Variants in ERC2 observed in about 807,000 individuals in gnomAD.
ERC2 encodes ERC protein 2.
A neutral mutation model predicts 114.8 loss-of-function variants in ERC2; 42 were observed. The ratio of observed to expected loss-of-function variants is 0.37; its 90% CI spans 0.29 to 0.47. The LOEUF (loss-of-function observed/expected upper bound fraction) is 0.47, where lower values mean the gene tolerates loss of function less well. Ranked by LOEUF, ERC2 falls within the 20% of genes least tolerant of loss-of-function variation. ERC2 has a pLI of 0.99. For missense variants in ERC2, 939 were observed against 1,150.7 expected (o/e 0.82, Z 2.66); for synonymous variants, 454 against 425.5 (o/e 1.07, Z -0.82).
intron 14 of ERC2, among the ~76,000 whole-genome samples, chr3:55,825,753 A>C (rs1187403663): frequency 9.2e-5 from 14 of 152,230 alleles, no homozygotes; most frequent in Non-Finnish European, 1.8e-4. Context: ...ATATTACACT[A>C]AAGTTAATAT....
intron 2 of ERC2, among the ~76,000 whole-genome samples, chr3:56,325,192 C>G (rs1027532462): frequency 6.6e-6 from 1 of 152,024 alleles, no homozygotes; most frequent in Non-Finnish European, 1.5e-5. Flanking sequence ...CGTCTGTAAT[C>G]CCAGCACTTT....
intron 17 of ERC2, among the ~76,000 whole-genome samples, chr3:55,529,557 C>A (rs2053544130): frequency 6.6e-6 from 1 of 152,154 alleles, no homozygotes; most frequent in African/African-American, 2.4e-5. Flanking sequence ...CACCAGGATC[C>A]TAAGCCTACA....
At chr3:56,325,542 A>C (rs1203567867) in intron 2 of ERC2, among the ~76,000 whole-genome samples, 1 of 152,192 alleles carries the variant, frequency 6.6e-6, no homozygotes, top group East Asian at 1.9e-4. Flanking sequence ...CTATTAGTGA[A>C]TTTACTAGAT....
chr3:55,777,941 T>C (rs536970860), intron 14 of ERC2, among the ~76,000 whole-genome samples: 1 of 152,210 alleles, frequency 6.6e-6, no homozygotes, highest in Non-Finnish European at 1.5e-5. Flanking sequence ...TTTTATTTTC[T>C]AAAGAGAAAC....
rs564105193 is a variant in ERC2, at chr3:55,597,906, T to C, written c.*39+85888A>G. Among the ~76,000 whole-genome samples the C allele has an allele frequency of 8.5e-4, 130 of 152,336 alleles. 1 individual carries two copies. Among genetic ancestry groups the C allele is most frequent in the African/African-American group, 3.0e-3 (123 of 41,584 alleles). ...TTAGTGAGTTTGTCATCATATCCACTTACATAATAGACGGTAAATAAATGA... is the reference window on the plus strand; with the variant it reads ...TTAGTGAGTTTGTCATCATATCCACCTACATAATAGACGGTAAATAAATGA... On this transcript the variant is annotated intron_variant, in intron 17 of 17. Transcript: ENST00000288221.
intron 14 of ERC2, among the ~76,000 whole-genome samples, chr3:55,853,534 CAAAG>C (rs2061662711): frequency 6.7e-6 from 1 of 149,128 alleles, no homozygotes; most frequent in Non-Finnish European, 1.5e-5. Context: ...CTCAAATAAA[CAAAG>C]AAAAAAAAAG....
intron 17 of ERC2, among the ~76,000 whole-genome samples, chr3:55,669,843 C>A (rs1305622963): frequency 2.0e-5 from 3 of 152,218 alleles, no homozygotes; most frequent in Non-Finnish European, 4.4e-5. Flanking sequence ...CAAAGCCCAG[C>A]ACTCAATGCT....
intron 2 of ERC2, among the ~76,000 whole-genome samples, chr3:56,348,897 AAGGAAGGAAAGAAGGAAG>A (rs1322275256): frequency 0.041 from 2,808 of 69,218 alleles, 59 homozygotes; most frequent in East Asian, 0.15. Context: ...GGAAGGAAGG[AAGGAAGGAAAGAAGGAAG>A]GAAGGAAGGA....
At position 56,435,082 on chromosome 3, in the gene ERC2, G is replaced by T; in HGVS notation, c.-75C>A. On this transcript the variant is annotated 5_prime_UTR_variant, in exon 2 of 18. Transcript: ENST00000288221. ...TTGGGGTTTGAGCTAATATTTCCAC[G>T]ATTGTCCAGAATTTTCACCGCATTC... The T allele has an allele frequency of 1.7e-6, 2 of 1,158,636 alleles. No homozygotes were observed. The highest frequency in any genetic ancestry group is 2.4e-6 in the Non-Finnish European group (2 of 837,154). The allele number at this position is 1,158,636 out of a possible 1,614,324, so 71.8% of individuals were successfully genotyped here. A position where few individuals can be genotyped will look rare whatever the true frequency, so the allele number is the denominator to read the frequency against.
rs1370701910 is a variant in ERC2, at chr3:56,434,485, A to G, written c.523T>C (p.Leu175=). 4 of 1,613,942 alleles carry G rather than the reference A, an allele frequency of 2.5e-6. No individual in the cohort carries two copies. The highest frequency in any genetic ancestry group is 3.4e-6 in the Non-Finnish European group (4 of 1,179,886). Reference sequence around the variant, plus strand: ...TTAATACTGTTCATGGAAGATCCCAATTTGCTGTCCTTGATGTCTAGCTCT... The same window carrying G: ...TTAATACTGTTCATGGAAGATCCCAGTTTGCTGTCCTTGATGTCTAGCTCT... ...RKELDIKDSK[L]GSSMNSIKTF... Residue 175 remains leucine (L), a synonymous_variant, in exon 2 of 18, where the codon TTG becomes CTG. Transcript: ENST00000288221.
chr3:56,064,212 A>C (rs923225406), intron 7 of ERC2, among the ~76,000 whole-genome samples: 3 of 152,186 alleles, frequency 2.0e-5, no homozygotes, highest in Non-Finnish European at 4.4e-5. Flanking sequence ...TACCTGTCCC[A>C]AAGAACACTA....
intron 13 of ERC2, among the ~76,000 whole-genome samples, chr3:55,930,901 T>C (rs1430942970): frequency 6.6e-6 from 1 of 151,856 alleles, no homozygotes; most frequent in Non-Finnish European, 1.5e-5. Flanking sequence ...CTTAAACAAA[T>C]TTACAGGAAA....
At chr3:55,742,568 T>G (rs900756013) in intron 14 of ERC2, among the ~76,000 whole-genome samples, 2 of 152,220 alleles carry the variant, frequency 1.3e-5, no homozygotes, top group Non-Finnish European at 2.9e-5. Context: ...CTACATTATG[T>G]ATGGTGCTTA....
chr3:55,548,611 G>A (rs1193178287), intron 17 of ERC2, among the ~76,000 whole-genome samples: 3 of 152,194 alleles, frequency 2.0e-5, no homozygotes, highest in South Asian at 4.1e-4. Flanking sequence ...GGCCAAGGGC[G>A]GGGCTGGAGA....
intron 14 of ERC2, among the ~76,000 whole-genome samples, chr3:55,789,868 T>C (rs982657273): frequency 6.6e-6 from 1 of 152,184 alleles, no homozygotes; most frequent in South Asian, 2.1e-4. Flanking sequence ...ATCAATGTGA[T>C]GTGATTTGGC....
chr3:55,667,080 A>G (rs897650119), intron 17 of ERC2, among the ~76,000 whole-genome samples: 1 of 152,176 alleles, frequency 6.6e-6, no homozygotes, highest in Admixed American at 6.5e-5. Flanking sequence ...TCATGTTGTC[A>G]TGTTGCTAAA....
At chr3:56,039,709 G>A (rs1225068916) in intron 7 of ERC2, among the ~76,000 whole-genome samples, 1 of 152,048 alleles carries the variant, frequency 6.6e-6, no homozygotes, top group African/African-American at 2.4e-5. Flanking sequence ...AGCAAAAAAT[G>A]AATCTGGAAG....
chr3:55,897,663 C>A (rs191597459), intron 13 of ERC2, among the ~76,000 whole-genome samples: 1 of 152,170 alleles, frequency 6.6e-6, no homozygotes. Flanking sequence ...TTAAACCCCC[C>A]GTCAGCAGCA....
chr3:55,725,633 T>C (rs886162475), intron 15 of ERC2, among the ~76,000 whole-genome samples: 2 of 151,968 alleles, frequency 1.3e-5, no homozygotes, highest in Non-Finnish European at 1.5e-5. Context: ...AGCCAAAGAG[T>C]GCCCATAAGT....
Sources: allele counts gnomAD v4.1 joint callset (sites outside exome capture counted in the v4.1 genomes callset), GRCh38; gene constraint gnomAD v4.1.1; transcripts MANE v1.5; gene names NCBI Gene and HGNC (gene_info 2026-07-23, HGNC 2026-07-21).